KCNT2: variants seen among roughly 807,000 people sequenced by gnomAD.
KCNT2 encodes potassium channel subfamily T member 2.
Under a neutral mutation model 153.8 loss-of-function variants are expected in KCNT2, and 67 were observed. The observed-to-expected ratio is 0.44, with a 90% CI of 0.36 to 0.53. The LOEUF is 0.53. Among genes scored for constraint, KCNT2 ranks in the 20% least tolerant of loss-of-function variants. The pLI is 0.00. For synonymous variants in KCNT2, 500 were observed against 458.8 expected, an observed-to-expected ratio of 1.09 and a Z score of -1.15; for missense variants, 975 against 1,354.8, an observed-to-expected ratio of 0.72 and a Z score of 4.40.
At chr1:196,486,289 C>T (rs1355479050) in intron 3 of KCNT2, among the ~76,000 whole-genome samples, 1 of 151,666 alleles carries the variant, frequency 6.6e-6, no homozygotes, top group African/African-American at 2.4e-5. Flanking sequence ...AAATAATAAA[C>T]AAATTTCCCT....
chr1:196,320,115 T>C (rs1458134578), intron 19 of KCNT2, among the ~76,000 whole-genome samples: 1 of 151,716 alleles, frequency 6.6e-6, no homozygotes, highest in Non-Finnish European at 1.5e-5. Context: ...GTGAAAGTAA[T>C]GCATTTTTAA....
At chr1:196,304,542 C>T (rs527865967) in intron 22 of KCNT2, among the ~76,000 whole-genome samples, 1 of 152,072 alleles carries the variant, frequency 6.6e-6, no homozygotes, top group Non-Finnish European at 1.5e-5. Context: ...ATGTATAAGA[C>T]TGGGTCTTTT....
chr1:196,585,552 G>T (rs1156810770), intron 1 of KCNT2, among the ~76,000 whole-genome samples: 1 of 151,946 alleles, frequency 6.6e-6, no homozygotes, highest in Admixed American at 6.6e-5. Flanking sequence ...GGTCAATTTA[G>T]TGGAAATAAC....
At chr1:196,382,875 A>C (rs1669629108) in intron 13 of KCNT2, among the ~76,000 whole-genome samples, 1 of 152,178 alleles carries the variant, frequency 6.6e-6, no homozygotes, top group Admixed American at 6.6e-5. Context: ...AGTTTATGGT[A>C]ACACAATCTG....
chr1:196,489,763 GC>G (rs1679719255), intron 3 of KCNT2, 74 bp downstream of exon 3: 2 of 838,872 alleles, frequency 2.4e-6, no homozygotes, highest in Non-Finnish European at 3.9e-6. Flanking sequence ...TACACAACAT[GC>G]TTTAAATTTA....
chr1:196,310,750 C>T (rs1662095666), intron 21 of KCNT2, among the ~76,000 whole-genome samples: 1 of 151,896 alleles, frequency 6.6e-6, no homozygotes, highest in East Asian at 1.9e-4. Flanking sequence ...AACTGGTCGG[C>T]TCTCACCCAC....
intron 1 of KCNT2, among the ~76,000 whole-genome samples, chr1:196,512,977 A>C (rs1438360548): frequency 3.9e-5 from 6 of 152,082 alleles, no homozygotes; most frequent in Non-Finnish European, 8.8e-5. Flanking sequence ...AAAGGAAATA[A>C]ACACCCACTC....
intron 26 of KCNT2, among the ~76,000 whole-genome samples, chr1:196,241,183 GTTTTGT>G (rs1441901292): frequency 6.7e-6 from 1 of 149,196 alleles, no homozygotes; most frequent in African/African-American, 2.5e-5. Flanking sequence ...GAGAAAGAGG[GTTTTGT>G]TTTGTTTTTG....
intron 26 of KCNT2, among the ~76,000 whole-genome samples, chr1:196,251,573 C>CA (rs1446608264): frequency 6.6e-6 from 1 of 151,756 alleles, no homozygotes; most frequent in East Asian, 1.9e-4. Context: ...CTCATGGAGA[C>CA]AGAGAGTAAA....
intron 25 of KCNT2, among the ~76,000 whole-genome samples, chr1:196,277,030 A>T (rs1234375027): frequency 6.6e-6 from 1 of 152,180 alleles, no homozygotes; most frequent in East Asian, 1.9e-4. Context: ...GAATTATTAC[A>T]GTAATATTTC....
chr1:196,355,853 A>C (rs1667129050), intron 14 of KCNT2, among the ~76,000 whole-genome samples: 1 of 151,758 alleles, frequency 6.6e-6, no homozygotes, highest in Admixed American at 6.6e-5. Flanking sequence ...AGCATTAATA[A>C]AATTTTATAG....
At chr1:196,378,940 C>G (rs1252918096) in intron 13 of KCNT2, among the ~76,000 whole-genome samples, 2 of 150,288 alleles carry the variant, frequency 1.3e-5, no homozygotes, top group African/African-American at 4.9e-5. Flanking sequence ...TAGTAATAGA[C>G]GCTCTTATTC....
chr1:196,410,075 T>C (rs1190121548), intron 12 of KCNT2, among the ~76,000 whole-genome samples: 2 of 151,724 alleles, frequency 1.3e-5, no homozygotes, highest in African/African-American at 4.8e-5. Flanking sequence ...ACGTGATACT[T>C]GTTGGCCACT....
rs549913768 is a variant in KCNT2 at position 196,304,763 on chromosome 1, A to G, written c.2595+471T>C. On this transcript the variant is annotated intron_variant, in intron 22 of 27. Coordinates refer to ENST00000294725, the MANE Select transcript of KCNT2 (RefSeq NM_198503.5). ...CCCAGTCAAGTCCCTGTTTTGAAAT[A>G]TCATCATTAAATTAAATTCCAGTTC... 3.9e-5 allele frequency among the ~76,000 whole-genome samples: 6 copies of G among 152,244 alleles called. No homozygotes were observed. In the East Asian group the frequency reaches 7.7e-4, roughly 20 times the overall value.
At chr1:196,568,488 C>G (rs1413953163) in intron 1 of KCNT2, among the ~76,000 whole-genome samples, 1 of 151,418 alleles carries the variant, frequency 6.6e-6, no homozygotes, top group Non-Finnish European at 1.5e-5. Context: ...CCCAGCTACA[C>G]GGAAGCCTGA....
At chr1:196,301,717 C>G (rs754499820) in intron 22 of KCNT2, among the ~76,000 whole-genome samples, 19 of 152,008 alleles carry the variant, frequency 1.2e-4, no homozygotes, top group South Asian at 2.1e-4. Context: ...TGTAAGCAGC[C>G]AAGCTGGTGT....
intron 21 of KCNT2, among the ~76,000 whole-genome samples, chr1:196,312,040 G>T (rs963890062): frequency 6.6e-6 from 1 of 151,762 alleles, no homozygotes; most frequent in Admixed American, 6.6e-5. Flanking sequence ...TCTTTAGAAG[G>T]ATACATTTAA....
chr1:196,427,346 C>T (rs955638289), intron 10 of KCNT2, among the ~76,000 whole-genome samples: 8 of 152,000 alleles, frequency 5.3e-5, no homozygotes, highest in Non-Finnish European at 1.0e-4. Context: ...ATCAATATTT[C>T]TATGTTTTGT....
intron 8 of KCNT2, among the ~76,000 whole-genome samples, chr1:196,437,387 T>C (rs1310982191): frequency 7.1e-6 from 1 of 141,514 alleles, no homozygotes; most frequent in Non-Finnish European, 1.5e-5. Context: ...TATTTATATA[T>C]ATACACAAAT....
Sources: gnomAD v4.1 joint callset for allele counts (sites outside exome capture counted in the v4.1 genomes callset) on GRCh38, gnomAD v4.1.1 for gene constraint, MANE v1.5 for transcripts, NCBI Gene and HGNC (gene_info 2026-07-23, HGNC 2026-07-21) for gene names.